PIEZO2: variants seen among roughly 807,000 people sequenced by gnomAD.
PIEZO2 encodes piezo-type mechanosensitive ion channel component 2.
PIEZO2 carries 172 observed loss-of-function variants against 337.3 expected under a neutral mutation model. The observed-to-expected ratio is 0.51, with a 90% CI of 0.45 to 0.58. PIEZO2 has a LOEUF of 0.58. Ranked by LOEUF, PIEZO2 falls within the 20% of genes least tolerant of loss-of-function variation. The pLI is 0.00. For synonymous variants in PIEZO2, 1,251 were observed against 1,228.5 expected (o/e 1.02, Z -0.38); for missense variants, 3,028 against 3,391.3 (o/e 0.89, Z 2.66).
chr18:10,693,532 G>C (rs1046626307), intron 47 of PIEZO2, among the ~76,000 whole-genome samples: 3 of 126,960 alleles, frequency 2.4e-5, no homozygotes, highest in Non-Finnish European at 5.3e-5. Flanking sequence ...ACCACATAAG[G>C]CATTTTTTTT....
intron 30 of PIEZO2, among the ~76,000 whole-genome samples, chr18:10,745,424 C>G (rs1369655407): frequency 6.6e-6 from 1 of 152,220 alleles, no homozygotes; most frequent in East Asian, 1.9e-4. Context: ...ATCACTCCCC[C>G]TTCACAGTCA....
rs554689090 is a variant in PIEZO2 at position 11,102,967 on chromosome 18, G to T, written c.65-36745C>A. 8.5e-5 allele frequency among the ~76,000 whole-genome samples: 13 copies of T among 152,238 alleles called. No homozygotes were observed. The highest frequency in any genetic ancestry group is 7.8e-4 in the Admixed American group (12 of 15,288). ...GAAGGACTCTCACTGGTCTTCTGTG[G>T]GTCAGGTGTCTCCCCTGAACCAATC... On this transcript the variant is annotated intron_variant, in intron 1 of 55. Transcript: ENST00000674853. The surrounding 1 kb of genome is among the most constrained non-coding windows in gnomAD (Gnocchi z 5.7).
At chr18:10,720,147 C>T (rs2036196326) in intron 36 of PIEZO2, among the ~76,000 whole-genome samples, 1 of 149,264 alleles carries the variant, frequency 6.7e-6, no homozygotes, top group Non-Finnish European at 1.5e-5. Context: ...TTAAGCTAAA[C>T]ATTATTTGTT....
intron 16 of PIEZO2, among the ~76,000 whole-genome samples, chr18:10,786,538 A>G (rs2039230357): frequency 6.6e-6 from 1 of 152,244 alleles, no homozygotes; most frequent in Non-Finnish European, 1.5e-5. Flanking sequence ...AGTTTACAGA[A>G]GAAAATTAGA....
At chr18:10,744,327 T>C in intron 30 of PIEZO2, 96 bp from the exon 31 acceptor site, 1 of 777,612 alleles carries the variant, frequency 1.3e-6, no homozygotes, top group East Asian at 2.8e-5. Flanking sequence ...AAACATAACA[T>C]CTCTTAATGG....
chr18:10,890,004 C>T lies in PIEZO2; in HGVS notation c.330-18589G>A, dbSNP rs190998417. ...TCCCCCAGCACTGTCCATAATTATA[C>T]ACAGCCTAATTCCTGAGATAAATTC... On this transcript the variant is annotated intron_variant, in intron 4 of 55. Coordinates refer to ENST00000674853, the MANE Select transcript of PIEZO2 (RefSeq NM_001378183.1). 3.1e-3 allele frequency among the ~76,000 whole-genome samples: 470 copies of T among 152,344 alleles called. 1 individual carries two copies. Among genetic ancestry groups the T allele is most frequent in the African/African-American group, 0.011 (446 of 41,570 alleles).
At chr18:10,731,178 T>G (rs199666082) in intron 36 of PIEZO2, among the ~76,000 whole-genome samples, 169 of 952 alleles carry the variant, frequency 0.18, 5 homozygotes, top group African/African-American at 0.34. Flanking sequence ...CTTAAAAGAT[T>G]ATATATATAT....
chr18:10,838,059 C>T (rs555408769), intron 7 of PIEZO2, among the ~76,000 whole-genome samples: 2 of 152,166 alleles, frequency 1.3e-5, no homozygotes, highest in Admixed American at 6.5e-5. Flanking sequence ...GCAAAATTTC[C>T]TCCATGTTAC....
rs556546341 is a variant in PIEZO2 at position 10,908,057 on chromosome 18, C to T, written c.329+3129G>A. ...TGTGATTGTGTGAAGGTGTAAATGA[C>T]ACATTATTATGAGTACAGCCACATA... is the stretch of plus-strand genomic sequence containing the variant. On this transcript the variant is annotated intron_variant, in intron 4 of 55. Transcript: ENST00000674853. Among the ~76,000 whole-genome samples, 10 of 152,288 alleles carry T rather than the reference C, an allele frequency of 6.6e-5. No individual in the cohort carries two copies. In the South Asian group the frequency reaches 2.1e-3, roughly 32 times the overall value.
At chr18:10,944,498 TATATATATCTTAGTAACAG>T (rs2032905811) in intron 3 of PIEZO2, among the ~76,000 whole-genome samples, 1 of 26,318 alleles carries the variant, frequency 3.8e-5, no homozygotes, top group Admixed American at 4.8e-4. Flanking sequence ...CATATATATA[TATATATATCTTAGTAACAG>T]ATATATATAT....
chr18:10,904,173 G>T (rs1001452751), intron 4 of PIEZO2, among the ~76,000 whole-genome samples: 3 of 152,072 alleles, frequency 2.0e-5, no homozygotes, highest in African/African-American at 7.2e-5. Flanking sequence ...AATATAAATG[G>T]TATCATCTCT....
chr18:10,718,722 A>G (rs2036116517), intron 36 of PIEZO2, among the ~76,000 whole-genome samples: 1 of 152,180 alleles, frequency 6.6e-6, no homozygotes, highest in African/African-American at 2.4e-5. Flanking sequence ...TAAAATATTT[A>G]CTATCAATGC....
At chr18:10,880,572 T>C (rs1361404769) in intron 4 of PIEZO2, among the ~76,000 whole-genome samples, 4 of 151,968 alleles carry the variant, frequency 2.6e-5, no homozygotes, top group African/African-American at 7.3e-5. Context: ...TCAGAGTTGG[T>C]GGAAAGGTCA....
At chr18:10,731,639 C>T (rs532352090) in intron 35 of PIEZO2, 118 bp from the exon 36 acceptor site, 8 of 528,508 alleles carry the variant, frequency 1.5e-5, no homozygotes, top group South Asian at 1.4e-4. Flanking sequence ...CTAAACATCC[C>T]GGGCTATTTT....
chr18:10,986,612 T>C (rs982152385), intron 2 of PIEZO2, among the ~76,000 whole-genome samples: 12 of 152,068 alleles, frequency 7.9e-5, no homozygotes, highest in African/African-American at 2.9e-4. Flanking sequence ...ATACCACAGT[T>C]AACATCATAC....
chr18:10,771,938 T>C (rs2038616990), intron 20 of PIEZO2, among the ~76,000 whole-genome samples: 1 of 152,228 alleles, frequency 6.6e-6, no homozygotes, highest in African/African-American at 2.4e-5. Flanking sequence ...CAAGTCACTC[T>C]TATTTTACTT....
intron 45 of PIEZO2, among the ~76,000 whole-genome samples, chr18:10,697,473 C>A (rs1296622095): frequency 1.3e-5 from 2 of 152,208 alleles, no homozygotes; most frequent in Admixed American, 6.5e-5. Flanking sequence ...CATGATAATG[C>A]CTAAGAATAC....
intron 11 of PIEZO2, among the ~76,000 whole-genome samples, chr18:10,799,627 C>A (rs2039732684): frequency 6.6e-6 from 1 of 152,076 alleles, no homozygotes; most frequent in Non-Finnish European, 1.5e-5. Flanking sequence ...AAAAGCCTTG[C>A]AAAAGTTAAG....
chr18:11,133,532 C>A (rs531491355), intron 1 of PIEZO2, among the ~76,000 whole-genome samples: 1 of 152,244 alleles, frequency 6.6e-6, no homozygotes, highest in East Asian at 1.9e-4. Context: ...CTAGGGAAGG[C>A]AGATCCACCC....
Sources: allele counts gnomAD v4.1 joint callset (sites outside exome capture counted in the v4.1 genomes callset), GRCh38; gene constraint gnomAD v4.1.1; non-coding constraint Gnocchi (gnomAD v3.1); transcripts MANE v1.5; gene names NCBI Gene and HGNC (gene_info 2026-07-23, HGNC 2026-07-21).